The following ATP2B4 variants were observed in gnomAD, a reference collection of about 807,000 sequenced individuals.
ATP2B4 encodes plasma membrane calcium-transporting ATPase 4.
In ATP2B4, 39 loss-of-function variants were observed where a neutral mutation model predicts 110.3. The observed-to-expected ratio is 0.35, with a 90% confidence interval of 0.27 to 0.46. The LOEUF (loss-of-function observed/expected upper bound fraction) is 0.46, where lower values mean the gene tolerates loss of function less well. ATP2B4 is among the 20% of genes least tolerant of loss of function. ATP2B4 has a pLI of 1.00. For missense variants in ATP2B4, 1,135 were observed against 1,530.9 expected (o/e 0.74, Z 4.32); for synonymous variants, 538 against 571.7 (o/e 0.94, Z 0.84).
chr1:203,629,084 AG>A lies in ATP2B4; in HGVS notation c.-465+1867del, dbSNP rs1663178075. Among the ~76,000 whole-genome samples, 1 of 151,916 alleles carries A rather than the reference AG, an allele frequency of 6.6e-6. No individual in the cohort carries two copies. The highest frequency in any genetic ancestry group is 2.4e-5 in the African/African-American group (1 of 41,332). On this transcript the variant is annotated intron_variant, in intron 1 of 20. Coordinates refer to ENST00000357681, the MANE Select transcript of ATP2B4 (RefSeq NM_001684.5). This position sits in a 1 kb window ranked among gnomAD's most constrained non-coding sequence, Gnocchi z 4.6. ...CGGGAGAAGGAAGTAAAACACTTAG[AG>A]GAGAGCTCATCTCGGGGCTGGGGAT...
In ATP2B4 at chr1:203,629,532, G is replaced by T. The variant is rs1324845098; in HGVS notation, c.-465+2313G>T. The stretch of plus-strand genomic sequence containing the variant: ...CCTGAGCCCGGGGTCGCGGCCAAAG[G>T]GGTAATCGGCTCCCGCAGTCTCAGC... On this transcript the variant is annotated intron_variant, in intron 1 of 20. Coordinates refer to ENST00000357681, the MANE Select transcript of ATP2B4 (RefSeq NM_001684.5). The surrounding 1 kb of genome is among the most constrained non-coding windows in gnomAD (Gnocchi z 4.6). 6.6e-6 allele frequency among the ~76,000 whole-genome samples: 1 copy of T among 152,088 alleles called. No individual in the cohort carries two copies. The highest frequency in any genetic ancestry group is 2.4e-5 in the African/African-American group (1 of 41,392).
At chr1:203,653,977 ATATATATAT>A (rs1382951900) in intron 1 of ATP2B4, among the ~76,000 whole-genome samples, 1 of 15,186 alleles carries the variant, frequency 6.6e-5, no homozygotes, top group Non-Finnish European at 6.5e-4. Context: ...ATATATATAT[ATATATATAT>A]TTTTTTTTTT....
In ATP2B4 at chr1:203,655,060, A is replaced by T. The variant is rs139929799; in HGVS notation, c.-464-27682A>T. ...GTAGATGTGGTGGAAATAGCAAGAG[A>T]ACTAGAATTAGAAGTAGAACCTGAG... On this transcript the variant is annotated intron_variant, in intron 1 of 20. Coordinates refer to ENST00000357681, the MANE Select transcript of ATP2B4 (RefSeq NM_001684.5). Among the ~76,000 whole-genome samples, 76 of 152,228 alleles carry T rather than the reference A, an allele frequency of 5.0e-4. No homozygotes were observed. In the East Asian group the frequency reaches 0.014, roughly 29 times the overall value.
At position 203,666,788 on chromosome 1, in the gene ATP2B4, G is replaced by A. The variant is rs146556514; in HGVS notation, c.-464-15954G>A. Among the ~76,000 whole-genome samples the A allele has an allele frequency of 4.1e-3, 624 of 152,214 alleles. 2 individuals are homozygous for A. Among genetic ancestry groups the A allele is most frequent in the Non-Finnish European group, 6.6e-3 (452 of 68,014 alleles). Reference sequence around the variant, plus strand: ...TTGGCTCTTGAAACTATTCCCTTAGGAAGAAAAAGGCAGTTCCCTTCCTGC... The same window carrying A: ...TTGGCTCTTGAAACTATTCCCTTAGAAAGAAAAAGGCAGTTCCCTTCCTGC... On this transcript the variant is annotated intron_variant, in intron 1 of 20. Coordinates refer to ENST00000357681, the MANE Select transcript of ATP2B4 (RefSeq NM_001684.5).
chr1:203,732,624 G>A (rs1197872414), intron 20 of ATP2B4, among the ~76,000 whole-genome samples: 2 of 152,068 alleles, frequency 1.3e-5, no homozygotes, highest in South Asian at 2.1e-4. Flanking sequence ...GCAAAAATAC[G>A]TAGTCGGTTT....
At chr1:203,636,715 C>T (rs1026335199) in intron 1 of ATP2B4, among the ~76,000 whole-genome samples, 4 of 152,188 alleles carry the variant, frequency 2.6e-5, no homozygotes, top group Admixed American at 6.5e-5. Flanking sequence ...TGCACTGTTA[C>T]ATGAAACCAA....
At chr1:203,733,334 G>A (rs747523920) in intron 20 of ATP2B4, 5 of 1,613,984 alleles carry the variant, frequency 3.1e-6, no homozygotes, top group Non-Finnish European at 8.5e-7. Context: ...ATCCTATGTA[G>A]CAGTTGCACC....
Position 203,631,774 on chromosome 1 carries a change from G to A in ATP2B4, c.-465+4555G>A, listed in dbSNP as rs569694091. 5.3e-5 allele frequency among the ~76,000 whole-genome samples: 8 copies of A among 152,106 alleles called. No homozygotes were observed. In the South Asian group the frequency reaches 1.7e-3, roughly 32 times the overall value. On this transcript the variant is annotated intron_variant, in intron 1 of 20. Transcript: ENST00000357681. The stretch of plus-strand genomic sequence containing the variant: ...CTCATTCACAAATATGGAAAGCTAC[G>A]TACAAGGTGATTTTTGTTTGTTTGT...
Position 203,710,963 on chromosome 1 carries a change from C to G in ATP2B4, c.1886C>G (p.Pro629Arg). ...RDDMVRTVIE[P>R]MACDGLRTIC... is the part of the protein sequence containing the mutation. ...GATATGGTACGCACTGTCATCGAGC[C>G]CATGGCCTGTGATGGACTCCGGACT... Residue 629 changes from proline to arginine, a missense_variant, in exon 12 of 21, where the codon CCC becomes CGC. Around this residue, in one of 9 missense-constraint regions of ATP2B4, gnomAD observed 368 missense variants for 455.9 expected, o/e 0.81. Coordinates refer to ENST00000357681, the MANE Select transcript of ATP2B4 (RefSeq NM_001684.5). The G allele has an allele frequency of 1.2e-6, 2 of 1,614,092 alleles. No individual in the cohort carries two copies. The highest frequency in any genetic ancestry group is 1.7e-6 in the Non-Finnish European group (2 of 1,179,996).
chr1:203,638,599 T>C (rs759749275), intron 1 of ATP2B4, among the ~76,000 whole-genome samples: 1 of 152,050 alleles, frequency 6.6e-6, no homozygotes, highest in Non-Finnish European at 1.5e-5. Flanking sequence ...CCAAAGACAC[T>C]GGGTTAGTTT....
Position 203,703,694 on chromosome 1 carries a change from A to G in ATP2B4, c.980A>G (p.Asn327Ser). The stretch of plus-strand genomic sequence containing the variant: ...GTGGCCCTGGAAATCCAGCCACTCA[A>G]CAGCCAGGAGGGAATCGACAATGAG... ...DGVALEIQPL[N>S]SQEGIDNEEK... Residue 327 changes from asparagine to serine, a missense_variant, in exon 8 of 21, where the codon AAC becomes AGC. Physicochemically the swap from Asn to Ser is conservative, Grantham distance 46. This residue lies in a region of ATP2B4 where 162 missense variants were observed against 210.5 expected (regional missense o/e 0.77). Coordinates refer to ENST00000357681, the MANE Select transcript of ATP2B4 (RefSeq NM_001684.5). 6.2e-7 allele frequency: 1 copy of G among 1,614,212 alleles called. No homozygotes were observed. Among genetic ancestry groups the G allele is most frequent in the Non-Finnish European group, 8.5e-7 (1 of 1,180,014 alleles).
intron 19 of ATP2B4, among the ~76,000 whole-genome samples, chr1:203,725,204 A>C (rs909323122): frequency 6.8e-6 from 1 of 147,194 alleles, no homozygotes; most frequent in Admixed American, 6.9e-5. Flanking sequence ...CTGGAGTGCA[A>C]TGGTGCAATC....
intron 20 of ATP2B4, among the ~76,000 whole-genome samples, chr1:203,732,273 GC>G (rs1487943799): frequency 1.3e-5 from 2 of 152,038 alleles, no homozygotes; most frequent in South Asian, 2.1e-4. Context: ...TCGACCTGTA[GC>G]TGTTTCAACC....
chr1:203,664,957 G>A (rs867976483), intron 1 of ATP2B4, among the ~76,000 whole-genome samples: 54 of 152,094 alleles, frequency 3.6e-4, no homozygotes, highest in Non-Finnish European at 7.1e-4. Flanking sequence ...TCAGCCTCCC[G>A]AGTAGCTGGG....
intron 4 of ATP2B4, 99 bp downstream of exon 4, chr1:203,699,816 A>G: frequency 6.5e-7 from 1 of 1,527,010 alleles, no homozygotes; most frequent in South Asian, 1.3e-5. Flanking sequence ...AAAACCCAAA[A>G]AGATAAGATC....
At chr1:203,631,457 C>T (rs573341467) in intron 1 of ATP2B4, among the ~76,000 whole-genome samples, 18 of 152,284 alleles carry the variant, frequency 1.2e-4, no homozygotes, top group Admixed American at 8.5e-4. Context: ...TGGAGCAGTG[C>T]GTTTATTGGT....
chr1:203,731,157 T>A (rs1015889609), intron 20 of ATP2B4, among the ~76,000 whole-genome samples: 4 of 152,120 alleles, frequency 2.6e-5, no homozygotes, highest in Non-Finnish European at 2.9e-5. Flanking sequence ...GTGTAAACCC[T>A]CTCCTCCTGC....
intron 17 of ATP2B4, among the ~76,000 whole-genome samples, chr1:203,721,654 C>CTTTCT (rs1666336795): frequency 1.7e-5 from 2 of 116,620 alleles, no homozygotes; most frequent in African/African-American, 6.9e-5. Flanking sequence ...TTCTTTCTTT[C>CTTTCT]TTTTTTTTTT....
At chr1:203,634,497 A>C (rs1663376865) in intron 1 of ATP2B4, among the ~76,000 whole-genome samples, 1 of 152,008 alleles carries the variant, frequency 6.6e-6, no homozygotes, top group South Asian at 2.1e-4. Context: ...GCCAGACTGG[A>C]ACTTTAAATT....
Sources: allele counts gnomAD v4.1 joint callset (sites outside exome capture counted in the v4.1 genomes callset), GRCh38; gene constraint gnomAD v4.1.1; regional missense constraint gnomAD v4.1.1; non-coding constraint Gnocchi (gnomAD v3.1); transcripts MANE v1.5; gene names NCBI Gene and HGNC (gene_info 2026-07-23, HGNC 2026-07-21).